LARP1B: variants seen among roughly 807,000 people sequenced by gnomAD.
LARP1B encodes the protein la-related protein 1B.
In LARP1B, 76 loss-of-function variants were observed where a neutral mutation model predicts 114.2. The observed-to-expected ratio is 0.67, with a 90% CI of 0.55 to 0.81. LARP1B has a LOEUF of 0.81. Ranked by LOEUF, LARP1B falls within the 30% of genes least tolerant of loss-of-function variation. The pLI is 0.00. For missense variants in LARP1B, 1,014 were observed against 1,075.8 expected (o/e 0.94, Z 0.80); for synonymous variants, 345 against 348.0 (o/e 0.99, Z 0.10).
intron 11 of LARP1B, among the ~76,000 whole-genome samples, chr4:128,150,568 T>C (rs1732329784): frequency 1.3e-5 from 2 of 152,066 alleles, no homozygotes; most frequent in Admixed American, 1.3e-4. Flanking sequence ...GCTGGAATTA[T>C]AGATGTGAGC....
intron 4 of LARP1B, among the ~76,000 whole-genome samples, chr4:128,081,477 A>T (rs11932481): frequency 0.027 from 4,002 of 147,448 alleles, 160 homozygotes; most frequent in African/African-American, 0.096. Flanking sequence ...GAATGTTTTC[A>T]TGTTACTTAT....
chr4:128,202,939 C>T (rs902905396), intron 17 of LARP1B, among the ~76,000 whole-genome samples: 2 of 152,206 alleles, frequency 1.3e-5, no homozygotes, highest in Non-Finnish European at 2.9e-5. Flanking sequence ...TGGCTCACAC[C>T]TGTAATCCCT....
At chr4:128,122,663 A>G (rs1413027947) in intron 11 of LARP1B, 2 of 1,370,846 alleles carry the variant, frequency 1.5e-6, no homozygotes, top group Non-Finnish European at 1.9e-6. Flanking sequence ...TGCATGATCT[A>G]AGGTAGTGGA....
Position 128,121,898 on chromosome 4 carries a change from G to T in LARP1B, c.1234G>T (p.Asp412Tyr). Residue 412 changes from aspartate to tyrosine, a missense_variant, in exon 11 of 20, where the codon GAT becomes TAT. Asp to Tyr is a radical substitution (Grantham distance 160). Coordinates refer to ENST00000326639, the MANE Select transcript of LARP1B (RefSeq NM_018078.4). The part of the protein sequence containing the change: ...SSEEPEQEEL[D>Y]FLFDEEIEQI... ...AGAAGAACCAGAACAAGAAGAACTT[G>T]ATTTTTTGTTTGATGAAGAGATTGA... The T allele has an allele frequency of 6.2e-7, 1 of 1,612,534 alleles. No homozygotes were observed. Among genetic ancestry groups the T allele is most frequent in the South Asian group, 1.1e-5 (1 of 90,884 alleles).
At chr4:128,084,409 G>A (rs962751566) in intron 5 of LARP1B, among the ~76,000 whole-genome samples, 3 of 152,258 alleles carry the variant, frequency 2.0e-5, no homozygotes, top group Non-Finnish European at 4.4e-5. Flanking sequence ...GATCACTCGC[G>A]GTTAGGAGCT....
rs772549013 is a variant in LARP1B at position 128,179,520 on chromosome 4, A to G, written c.2003+8A>G. The G allele has an allele frequency of 2.0e-6, 3 of 1,527,110 alleles. No homozygotes were observed. The highest frequency in any genetic ancestry group is 2.7e-6 in the Non-Finnish European group (3 of 1,125,710). The allele number at this position is 1,527,110 out of a possible 1,614,324, so 94.6% of individuals were successfully genotyped here. A position where few individuals can be genotyped will look rare whatever the true frequency, so the allele number is the denominator to read the frequency against. On this transcript the variant is annotated splice_region_variant and intron_variant, in intron 15 of 19. Coordinates refer to ENST00000326639, the MANE Select transcript of LARP1B (RefSeq NM_018078.4). ...AGGAACATCCTCTGTCAGGTACTAT[A>G]TTTCTCAAACATTACTTTTTTGTTC... is the stretch of plus-strand genomic sequence containing the variant.
chr4:128,167,042 A>G (rs1355088873), intron 12 of LARP1B, among the ~76,000 whole-genome samples: 1 of 150,592 alleles, frequency 6.6e-6, no homozygotes, highest in Non-Finnish European at 1.5e-5. Context: ...GTGTACGTAT[A>G]TATACACACA....
intron 6 of LARP1B, 64 bp from the exon 7 acceptor site, chr4:128,091,281 CTT>C: frequency 6.6e-7 from 1 of 1,515,264 alleles, no homozygotes; most frequent in South Asian, 1.2e-5. Flanking sequence ...AAGTTCTTCA[CTT>C]TATCCGTAGT....
intron 11 of LARP1B, among the ~76,000 whole-genome samples, chr4:128,143,743 G>A (rs964741236): frequency 1.3e-5 from 2 of 151,054 alleles, no homozygotes; most frequent in Admixed American, 6.6e-5. Flanking sequence ...TTGAAACTTG[G>A]TATAGGTATT....
At chr4:128,190,211 G>A (rs1413003890) in intron 15 of LARP1B, among the ~76,000 whole-genome samples, 3 of 152,128 alleles carry the variant, frequency 2.0e-5, no homozygotes, top group African/African-American at 7.2e-5. Context: ...TTGGTTGGCA[G>A]GTTTTGTTTT....
chr4:128,123,071 A>C (rs182254857), intron 11 of LARP1B: 22 of 985,412 alleles, frequency 2.2e-5, no homozygotes, highest in Non-Finnish European at 2.5e-5. Flanking sequence ...AAGCTAGCCA[A>C]TTAGTGGCTG....
At chr4:128,085,501 G>C (rs1424549163) in intron 5 of LARP1B, among the ~76,000 whole-genome samples, 3 of 151,656 alleles carry the variant, frequency 2.0e-5, no homozygotes, top group Admixed American at 2.0e-4. Context: ...AAGTAGCTAT[G>C]ATGACAGGTG....
chr4:128,185,781 T>C (rs1750128555), intron 15 of LARP1B, among the ~76,000 whole-genome samples: 1 of 152,208 alleles, frequency 6.6e-6, no homozygotes. Context: ...GCCTAGAGTG[T>C]TTTCCCAATA....
chr4:128,126,971 G>C (rs2150061473), intron 11 of LARP1B, among the ~76,000 whole-genome samples: 1 of 152,058 alleles, frequency 6.6e-6, no homozygotes, highest in Middle Eastern at 3.4e-3. Flanking sequence ...GAACTGAGGA[G>C]AGGTGTCAGA....
intron 13 of LARP1B, among the ~76,000 whole-genome samples, 197 bp downstream of exon 13, chr4:128,177,104 C>T (rs912657913): frequency 2.0e-5 from 3 of 152,028 alleles, no homozygotes; most frequent in Non-Finnish European, 2.9e-5. Flanking sequence ...GCAAAATCAG[C>T]AAAATCTCAT....
At chr4:128,094,939 C>T (rs569752561) in intron 7 of LARP1B, among the ~76,000 whole-genome samples, 47 of 151,988 alleles carry the variant, frequency 3.1e-4, no homozygotes, top group African/African-American at 8.9e-4. Context: ...TTAGTAAAGT[C>T]GGGGTTCCAC....
At chr4:128,109,703 C>CTTTCT in intron 9 of LARP1B, among the ~76,000 whole-genome samples, 1 of 150,288 alleles carries the variant, frequency 6.7e-6, no homozygotes, top group African/African-American at 2.4e-5. Flanking sequence ...TAGTGTTTTT[C>CTTTCT]TTTCTTTTCT....
At chr4:128,164,076 C>G (rs1252453145) in intron 12 of LARP1B, among the ~76,000 whole-genome samples, 1 of 151,948 alleles carries the variant, frequency 6.6e-6, no homozygotes, top group Non-Finnish European at 1.5e-5. Context: ...ATTTTAATTT[C>G]TTTGATTTTG....
In LARP1B at chr4:128,132,195, A is replaced by G. The variant is rs112703722; in HGVS notation, c.1524+10007A>G. On this transcript the variant is annotated intron_variant, in intron 11 of 19. Coordinates refer to ENST00000326639, the MANE Select transcript of LARP1B (RefSeq NM_018078.4). Reference sequence around the variant, plus strand: ...GTTTGGATGAATGTGGTATATCCATACAATAGAGTATTTGGCAATCAAAAG... The same window carrying G: ...GTTTGGATGAATGTGGTATATCCATGCAATAGAGTATTTGGCAATCAAAAG... Among the ~76,000 whole-genome samples, 132 of 152,338 alleles carry G rather than the reference A, an allele frequency of 8.7e-4. 1 individual carries two copies. Among genetic ancestry groups the G allele is most frequent in the Middle Eastern group, 3.4e-3 (1 of 294 alleles).
Sources: allele counts gnomAD v4.1 joint callset (sites outside exome capture counted in the v4.1 genomes callset), GRCh38; gene constraint gnomAD v4.1.1; transcripts MANE v1.5; gene names NCBI Gene and HGNC (gene_info 2026-07-23, HGNC 2026-07-21).